The following FLT1 variants were observed in gnomAD, a reference collection of about 807,000 sequenced individuals.
FLT1 encodes vascular endothelial growth factor receptor 1.
In FLT1, 49 loss-of-function variants were observed where a neutral mutation model predicts 156.3. The ratio of observed to expected loss-of-function variants is 0.31; its 90% confidence interval spans 0.25 to 0.40. FLT1 has a LOEUF of 0.40. Among genes scored for constraint, FLT1 ranks in the 10% least tolerant of loss-of-function variants. FLT1 has a pLI of 1.00. For synonymous variants in FLT1, 594 were observed against 583.8 expected (o/e 1.02, Z -0.25); for missense variants, 1,322 against 1,637.2 (o/e 0.81, Z 3.32).
chr13:28,476,274 C>T (rs191820965), intron 1 of FLT1, among the ~76,000 whole-genome samples: 247 of 152,258 alleles, frequency 1.6e-3, no homozygotes, highest in African/African-American at 5.5e-3. Context: ...TTTCATTCAG[C>T]TTAGGCTCAG....
chr13:28,461,123 C>T (rs1314882631), intron 3 of FLT1, among the ~76,000 whole-genome samples: 1 of 148,906 alleles, frequency 6.7e-6, no homozygotes, highest in African/African-American at 2.6e-5. Flanking sequence ...CAGGTGGATG[C>T]CCCAGCTCCT....
chr13:28,495,093 C>G lies in FLT1; in HGVS notation c.-250G>C, dbSNP rs978431205. 5 of 452,848 alleles carry G rather than the reference C, an allele frequency of 1.1e-5. No individual in the cohort carries two copies. In the South Asian group the frequency reaches 2.2e-4, roughly 20 times the overall value. 28.1% of individuals were successfully genotyped at this position (452,848 alleles called of 1,614,324 possible). A position where few individuals can be genotyped will look rare whatever the true frequency, so the allele number is the denominator to read the frequency against. ...CCGGGGAGGAGCCGAGAGGAGTGTC[C>G]GCCTGGCGCGCTCCGAGCCTCCCGC... is the stretch of plus-strand genomic sequence containing the variant. On this transcript the variant is annotated 5_prime_UTR_variant, in exon 1 of 30. Transcript: ENST00000282397. The surrounding 1 kb of genome is among the most constrained non-coding windows in gnomAD (Gnocchi z 4.1).
chr13:28,419,434 A>G (rs1566017234), intron 10 of FLT1, among the ~76,000 whole-genome samples: 1 of 152,250 alleles, frequency 6.6e-6, no homozygotes, highest in Non-Finnish European at 1.5e-5. Flanking sequence ...AATAATAAAA[A>G]TGCTCATTCA....
Position 28,322,630 on chromosome 13 carries a change from CTG to C in FLT1, c.2953+158_2953+159del. On this transcript the variant is annotated intron_variant, in intron 21 of 29. Transcript: ENST00000282397. This position sits in a 1 kb window ranked among gnomAD's most constrained non-coding sequence, Gnocchi z 4.3. ...CAGTTCCCTGTCAAAATTAGTAACT[CTG>C]TAAATTATCTTAATTCAAATCTTAT... 1 of 787,250 alleles carries C rather than the reference CTG, an allele frequency of 1.3e-6. No individual in the cohort carries two copies. 48.8% of individuals were successfully genotyped at this position (787,250 alleles called of 1,614,324 possible).
intron 14 of FLT1, among the ~76,000 whole-genome samples, chr13:28,384,460 A>AG: frequency 6.6e-6 from 1 of 151,704 alleles, no homozygotes; most frequent in East Asian, 1.9e-4. Flanking sequence ...AAAAAAAAAA[A>AG]AAAAAAAAGA....
At position 28,301,696 on chromosome 13, in the gene FLT1, C is replaced by G. The variant is rs1051376421; in HGVS notation, c.*1471G>C. 9.0e-5 allele frequency: 21 copies of G among 232,986 alleles called. No homozygotes were observed. The highest frequency in any genetic ancestry group is 4.4e-4 in the African/African-American group (20 of 45,298). The allele number at this position is 232,986 out of a possible 1,614,324, so 14.4% of individuals were successfully genotyped here. A position where few individuals can be genotyped will look rare whatever the true frequency, so the allele number is the denominator to read the frequency against. On this transcript the variant is annotated 3_prime_UTR_variant, in exon 30 of 30. Coordinates refer to ENST00000282397, the MANE Select transcript of FLT1 (RefSeq NM_002019.4). ...CTTGCATAAATAGCATCAAACAGAG[C>G]CAGCTTAGCGATCCAAGGCCCACTT...
Position 28,308,843 on chromosome 13 carries a change from A to G in FLT1, c.3720T>C (p.Asp1240=), listed in dbSNP as rs1393206366. 1.9e-6 allele frequency: 3 copies of G among 1,605,626 alleles called. No homozygotes were observed. Among genetic ancestry groups the G allele is most frequent in the African/African-American group, 2.7e-5 (2 of 74,786 alleles). Residue 1240 remains aspartate, a splice_region_variant and synonymous_variant, in exon 28 of 30, where the codon GAT becomes GAC. Coordinates refer to ENST00000282397, the MANE Select transcript of FLT1 (RefSeq NM_002019.4). ...TAGGTACCTTAACTTCACGACTTAC[A>G]TCAAACATGGAGGTGGCATTCGGTA... ...ELLPNATSMF[D]DYQGDSSTLL... is the part of the protein sequence containing the mutation.
intron 17 of FLT1, among the ~76,000 whole-genome samples, 182 bp downstream of exon 17, chr13:28,338,986 T>C (rs1872224358): frequency 6.6e-6 from 1 of 152,244 alleles, no homozygotes; most frequent in African/African-American, 2.4e-5. Flanking sequence ...TGTCACCTTG[T>C]ACTGTTATCT....
rs1411020003 is a variant in FLT1 at position 28,329,737 on chromosome 13, G to A, written c.2594-9C>T. On this transcript the variant is annotated splice_polypyrimidine_tract_variant and intron_variant, in intron 18 of 29. Transcript: ENST00000282397. ...GCTGGCCGTGGCCCCCTCTGTGTGA[G>A]AAGCAAGGAAGAGTCAGGGCGACAG... 3 of 1,608,272 alleles carry A rather than the reference G, an allele frequency of 1.9e-6. No individual in the cohort carries two copies. In the Admixed American group the frequency reaches 5.0e-5, roughly 27 times the overall value.
chr13:28,376,163 T>G (rs1873830239), intron 14 of FLT1, among the ~76,000 whole-genome samples: 1 of 152,180 alleles, frequency 6.6e-6, no homozygotes, highest in Non-Finnish European at 1.5e-5. Flanking sequence ...ATATGGTGCC[T>G]ACAGATGCAG....
In FLT1 at chr13:28,301,706, G is replaced by C. The variant is rs142404928; in HGVS notation, c.*1461C>G. 1.5e-4 allele frequency: 36 copies of C among 233,250 alleles called. No individual in the cohort carries two copies. The highest frequency in any genetic ancestry group is 7.7e-4 in the African/African-American group (35 of 45,422). The allele number at this position is 233,250 out of a possible 1,614,324, so 14.4% of individuals were successfully genotyped here. A position where few individuals can be genotyped will look rare whatever the true frequency, so the allele number is the denominator to read the frequency against. ...TAGCATCAAACAGAGCCAGCTTAGC[G>C]ATCCAAGGCCCACTTGATCTTTAGA... On this transcript the variant is annotated 3_prime_UTR_variant, in exon 30 of 30. Transcript: ENST00000282397.
chr13:28,300,764 G>C lies in FLT1; in HGVS notation c.*2403C>G, dbSNP rs571122200. On this transcript the variant is annotated 3_prime_UTR_variant, in exon 30 of 30. Transcript: ENST00000282397. ...CCCCATTCCACCCAGACTGTTCCAC[G>C]TACATTATCTCAGAAACTCTGAAAG... is the stretch of plus-strand genomic sequence containing the variant. 1.3e-5 allele frequency: 3 copies of C among 233,158 alleles called. No homozygotes were observed. The highest frequency in any genetic ancestry group is 1.3e-3 in the Middle Eastern group (1 of 786). 14.4% of individuals were successfully genotyped at this position (233,158 alleles called of 1,614,324 possible). A position where few individuals can be genotyped will look rare whatever the true frequency, so the allele number is the denominator to read the frequency against.
intron 16 of FLT1, among the ~76,000 whole-genome samples, chr13:28,343,711 T>C (rs1443553334): frequency 6.6e-6 from 1 of 151,492 alleles, no homozygotes; most frequent in East Asian, 1.9e-4. Context: ...GGTGTGATCT[T>C]GGCTTACTGC....
At chr13:28,407,714 G>T (rs1266574870) in intron 10 of FLT1, among the ~76,000 whole-genome samples, 1 of 152,166 alleles carries the variant, frequency 6.6e-6, no homozygotes, top group Admixed American at 6.5e-5. Flanking sequence ...AATTTCTGCA[G>T]TTTTTACCAG....
rs540074243 is a variant in FLT1 at position 28,436,612 on chromosome 13, T to C, written c.513+1609A>G. ...TTAGCGCTCCCATGAAAGAGAACGT[T>C]TCCCTCTCCACGTGGTGTTTTCCAT... On this transcript the variant is annotated intron_variant, in intron 4 of 29. Coordinates refer to ENST00000282397, the MANE Select transcript of FLT1 (RefSeq NM_002019.4). Among the ~76,000 whole-genome samples the C allele has an allele frequency of 8.5e-5, 13 of 152,294 alleles. 1 individual carries two copies. The South Asian group carries it at 1.7e-3, about 19-fold the overall frequency.
chr13:28,489,495 C>G (rs923542074), intron 1 of FLT1, among the ~76,000 whole-genome samples: 1 of 152,126 alleles, frequency 6.6e-6, no homozygotes, highest in East Asian at 1.9e-4. Context: ...GAGGAGTACA[C>G]CTCAGGGCTA....
intron 3 of FLT1, among the ~76,000 whole-genome samples, chr13:28,459,154 C>T (rs1041182454): frequency 3.3e-5 from 5 of 152,300 alleles, no homozygotes; most frequent in Non-Finnish European, 5.9e-5. Context: ...AGGTTGCTGC[C>T]ATTTTAGGAA....
intron 14 of FLT1, among the ~76,000 whole-genome samples, chr13:28,369,302 A>T (rs548617107): frequency 2.0e-4 from 30 of 152,314 alleles, no homozygotes; most frequent in African/African-American, 7.2e-4. Flanking sequence ...AGGGGGTCGG[A>T]TCACCTGAGG....
At chr13:28,438,612 G>T (rs1038345621) in intron 3 of FLT1, among the ~76,000 whole-genome samples, 6 of 152,178 alleles carry the variant, frequency 3.9e-5, no homozygotes, top group African/African-American at 1.4e-4. Flanking sequence ...ATGTGGTATG[G>T]GGGGACCACT....
Sources: allele counts gnomAD v4.1 joint callset (sites outside exome capture counted in the v4.1 genomes callset), GRCh38; gene constraint gnomAD v4.1.1; non-coding constraint Gnocchi (gnomAD v3.1); transcripts MANE v1.5; gene names NCBI Gene and HGNC (gene_info 2026-07-23, HGNC 2026-07-21).